The following PPP1R13B variants were observed in gnomAD, a reference collection of about 807,000 sequenced individuals.
PPP1R13B encodes protein phosphatase 1 regulatory subunit 13B, also known as apoptosis-stimulating of p53 protein 1.
In PPP1R13B, 44 loss-of-function variants were observed where a neutral mutation model predicts 119.8. The ratio of observed to expected loss-of-function variants is 0.37; its 90% CI spans 0.29 to 0.47. The LOEUF (loss-of-function observed/expected upper bound fraction) is 0.47. PPP1R13B is among the 20% of genes least tolerant of loss of function. The pLI is 0.99. For missense variants in PPP1R13B, 1,227 were observed against 1,413.5 expected (o/e 0.87, Z 2.12); for synonymous variants, 542 against 561.5 (o/e 0.97, Z 0.49).
Position 103,738,509 on chromosome 14 carries a change from G to GA in PPP1R13B, c.2864+169dup. ...ACAAAATCATCAAGAGAAAAGGCTG[G>GA]AAAAAAAGGCAAGGAAACCCTGGCA... On this transcript the variant is annotated intron_variant, in intron 14 of 16. Coordinates refer to ENST00000202556, the MANE Select transcript of PPP1R13B (RefSeq NM_015316.3). This position sits in a 1 kb window ranked among gnomAD's most constrained non-coding sequence, Gnocchi z 5.6. The GA allele has an allele frequency of 9.3e-7, 1 of 1,075,056 alleles. No individual in the cohort carries two copies. The highest frequency in any genetic ancestry group is 1.3e-6 in the Non-Finnish European group (1 of 760,050). 66.6% of individuals were successfully genotyped at this position (1,075,056 alleles called of 1,614,324 possible).
chr14:103,802,424 A>T (rs191312135), intron 1 of PPP1R13B, among the ~76,000 whole-genome samples: 18 of 152,296 alleles, frequency 1.2e-4, no homozygotes. Context: ...CTTATATGCT[A>T]TTCCTACAGT....
chr14:103,739,266 C>T (rs1039876794), intron 12 of PPP1R13B: 2 of 501,454 alleles, frequency 4.0e-6, no homozygotes, highest in Non-Finnish European at 3.5e-6. Context: ...CAGAGGGACA[C>T]GGCTGTGTTT....
upstream of PPP1R13B, chr14:103,847,683 G>C (rs954207010): frequency 9.1e-4 from 842 of 928,446 alleles, no homozygotes; most frequent in Non-Finnish European, 1.0e-3. Flanking sequence ...GGGAGCGGGG[G>C]CGGGGAGAGG....
At chr14:103,777,794 A>G (rs1261117967) in intron 4 of PPP1R13B, among the ~76,000 whole-genome samples, 1 of 125,072 alleles carries the variant, frequency 8.0e-6, no homozygotes, top group Non-Finnish European at 1.6e-5. Context: ...ACCGGTAAAA[A>G]GCAATTAAAA....
rs768033570 is a variant in PPP1R13B at position 103,823,295 on chromosome 14, C to T, written c.9+24004G>A. On this transcript the variant is annotated intron_variant, in intron 1 of 16. Coordinates refer to ENST00000202556, the MANE Select transcript of PPP1R13B (RefSeq NM_015316.3). ...CGGAGGTTGCAGTGAGCTGAGATCG[C>T]GCCACTGCACTTCAGCCTGGGTGAC... is the stretch of plus-strand genomic sequence containing the variant. Among the ~76,000 whole-genome samples the T allele has an allele frequency of 5.3e-5, 8 of 150,950 alleles. No individual in the cohort carries two copies. In the South Asian group the frequency reaches 8.4e-4, roughly 16 times the overall value.
chr14:103,763,178 A>G (rs747074672), intron 4 of PPP1R13B: 39 of 600,278 alleles, frequency 6.5e-5, no homozygotes, highest in Non-Finnish European at 1.1e-4. Context: ...CGGATTTCAG[A>G]AACAATAAAA....
At chr14:103,736,421 G>C (rs1034785281) in intron 15 of PPP1R13B, 1 of 597,924 alleles carries the variant, frequency 1.7e-6, no homozygotes, top group Non-Finnish European at 3.0e-6. Context: ...CCCTTTCTAA[G>C]TCCTGCAGGA....
chr14:103,784,045 G>C (rs1263053887), intron 3 of PPP1R13B, among the ~76,000 whole-genome samples: 2 of 151,992 alleles, frequency 1.3e-5, no homozygotes, highest in Admixed American at 6.6e-5. Flanking sequence ...GTGTGGCGGT[G>C]GGTGCCTGTA....
At chr14:103,773,355 C>T (rs1183541575) in intron 4 of PPP1R13B, among the ~76,000 whole-genome samples, 7 of 152,120 alleles carry the variant, frequency 4.6e-5, no homozygotes, top group Non-Finnish European at 1.0e-4. Context: ...AGAGAATGTT[C>T]CAGAGCTGTT....
At chr14:103,811,173 T>C (rs1021891083) in intron 1 of PPP1R13B, among the ~76,000 whole-genome samples, 1 of 147,550 alleles carries the variant, frequency 6.8e-6, no homozygotes, top group African/African-American at 2.5e-5. Flanking sequence ...GTTGATCACG[T>C]GAATATTATG....
chr14:103,832,488 T>G (rs2086683959), intron 1 of PPP1R13B, among the ~76,000 whole-genome samples: 1 of 152,208 alleles, frequency 6.6e-6, no homozygotes, highest in Non-Finnish European at 1.5e-5. Flanking sequence ...AAAGGTTATG[T>G]GAAGGATTGA....
At chr14:103,801,486 T>C (rs1233482836) in intron 1 of PPP1R13B, among the ~76,000 whole-genome samples, 2 of 152,138 alleles carry the variant, frequency 1.3e-5, no homozygotes, top group African/African-American at 4.8e-5. Flanking sequence ...CCTTCCTGTT[T>C]GCCTGTAAAT....
In PPP1R13B at chr14:103,742,093, C is replaced by T; in HGVS notation, c.1519G>A (p.Gly507Ser). ...RQRPTLLPAT[G>S]STPQPGSSQQ... ...GAGGAGCCTGGCTGGGGGGTGCTGC[C>T]TGTGGCGGGCAGCAGGGTGGGCCTC... The change falls in exon 11 of 17, where the codon GGC (glycine) becomes AGC (serine). Residue 507 changes from glycine to serine, a missense_variant. Gly to Ser is a moderately conservative substitution (Grantham distance 56). Transcript: ENST00000202556. The surrounding 1 kb of genome is among the most constrained non-coding windows in gnomAD (Gnocchi z 4.9). 1 of 1,613,782 alleles carries T rather than the reference C, an allele frequency of 6.2e-7. No homozygotes were observed. The highest frequency in any genetic ancestry group is 1.1e-5 in the South Asian group (1 of 91,080).
chr14:103,807,606 T>C (rs2086048707), intron 1 of PPP1R13B, among the ~76,000 whole-genome samples: 1 of 152,142 alleles, frequency 6.6e-6, no homozygotes, highest in Admixed American at 6.5e-5. Flanking sequence ...GCCATTCTCC[T>C]GCCTCAGCCT....
At chr14:103,749,683 ATGTTT>A (rs753686657) in intron 8 of PPP1R13B, 106 bp downstream of exon 8, 5 of 1,107,722 alleles carry the variant, frequency 4.5e-6, no homozygotes, top group Non-Finnish European at 6.5e-6. Context: ...TGGCCTATTT[ATGTTT>A]TATCAGTTAT....
At chr14:103,827,585 G>A (rs1158732128) in intron 1 of PPP1R13B, among the ~76,000 whole-genome samples, 1 of 148,184 alleles carries the variant, frequency 6.7e-6, no homozygotes, top group Non-Finnish European at 1.5e-5. Context: ...GATCTATAGT[G>A]TGATATCTGG....
At chr14:103,787,517 T>TA (rs1320546546) in intron 2 of PPP1R13B, among the ~76,000 whole-genome samples, 3,617 of 137,504 alleles carry the variant, frequency 0.026, 101 homozygotes, top group African/African-American at 0.075. Context: ...AGCTGGCATA[T>TA]AAAAAAAAAA....
intron 1 of PPP1R13B, among the ~76,000 whole-genome samples, chr14:103,807,187 T>C (rs969058245): frequency 3.3e-5 from 5 of 152,200 alleles, no homozygotes; most frequent in African/African-American, 9.6e-5. Flanking sequence ...GCTACTGACA[T>C]TGTATTACCC....
At chr14:103,779,407 C>T (rs918603577) in intron 3 of PPP1R13B, among the ~76,000 whole-genome samples, 3 of 152,112 alleles carry the variant, frequency 2.0e-5, no homozygotes, top group Admixed American at 6.6e-5. Context: ...TATCAAAAGG[C>T]TTTTAACACT....
Sources: allele counts gnomAD v4.1 joint callset (sites outside exome capture counted in the v4.1 genomes callset), GRCh38; gene constraint gnomAD v4.1.1; non-coding constraint Gnocchi (gnomAD v3.1); transcripts MANE v1.5; gene names NCBI Gene and HGNC (gene_info 2026-07-23, HGNC 2026-07-21).